The following SH2D4B variants were observed in gnomAD, a reference collection of about 807,000 sequenced individuals.
The protein encoded by SH2D4B is SH2 domain-containing protein 4B.
Under a neutral mutation model 61.5 loss-of-function variants are expected in SH2D4B, and 45 were observed. That is an observed-to-expected ratio of 0.73 (90% confidence interval 0.58 to 0.94). SH2D4B has a LOEUF of 0.94. SH2D4B is among the 40% of genes least tolerant of loss of function. The pLI is 0.00. For missense variants in SH2D4B, 572 were observed against 574.2 expected (o/e 1.00, Z 0.04); for synonymous variants, 224 against 220.4 (o/e 1.02, Z -0.14).
At chr10:80,598,613 A>G (rs573520596) in intron 4 of SH2D4B, among the ~76,000 whole-genome samples, 1 of 152,328 alleles carries the variant, frequency 6.6e-6, no homozygotes, top group Non-Finnish European at 1.5e-5. Context: ...AGTTTTTGAT[A>G]AAACACCCAA....
chr10:80,540,324 C>T (rs932082565), intron 1 of SH2D4B, among the ~76,000 whole-genome samples: 1 of 152,154 alleles, frequency 6.6e-6, no homozygotes, highest in Non-Finnish European at 1.5e-5. Context: ...GGGGCTGGCC[C>T]TGCCCAGGAG....
rs946815363 is a variant in SH2D4B, at chr10:80,538,937, G to A, written c.184+422G>A. The stretch of plus-strand genomic sequence containing the variant: ...TGCAGTTCCTTTCTCCTTGGCATGC[G>A]TGGCACACCAGTTCTTGGCTAGGGC... On this transcript the variant is annotated intron_variant, in intron 1 of 7. Transcript: ENST00000646907. This position sits in a 1 kb window ranked among gnomAD's most constrained non-coding sequence, Gnocchi z 4.8. Among the ~76,000 whole-genome samples the A allele has an allele frequency of 3.3e-5, 5 of 152,160 alleles. No individual in the cohort carries two copies. Among genetic ancestry groups the A allele is most frequent in the African/African-American group, 1.2e-4 (5 of 41,496 alleles).
chr10:80,583,647 G>A (rs138211447), intron 3 of SH2D4B, among the ~76,000 whole-genome samples: 3,401 of 152,150 alleles, frequency 0.022, 129 homozygotes, highest in African/African-American at 0.076. Flanking sequence ...TCCAGCCTGG[G>A]TGACAGTGAG....
intron 1 of SH2D4B, among the ~76,000 whole-genome samples, chr10:80,550,772 GGTTT>G (rs1410625327): frequency 1.3e-5 from 2 of 152,156 alleles, no homozygotes; most frequent in African/African-American, 2.4e-5. Context: ...ATCTCAGAGA[GGTTT>G]AGCAACCTGC....
intron 6 of SH2D4B, among the ~76,000 whole-genome samples, chr10:80,619,819 T>C (rs575666753): frequency 2.0e-5 from 3 of 152,372 alleles, no homozygotes; most frequent in African/African-American, 7.2e-5. Flanking sequence ...AACAGGATAG[T>C]ATATTTAATC....
chr10:80,627,528 C>A (rs549520283), intron 6 of SH2D4B, among the ~76,000 whole-genome samples: 1 of 152,054 alleles, frequency 6.6e-6, no homozygotes. Context: ...TCACTTCCGC[C>A]GCTGGGCTCC....
intron 3 of SH2D4B, among the ~76,000 whole-genome samples, chr10:80,586,892 C>G (rs12414797): frequency 0.013 from 1,945 of 152,114 alleles, 49 homozygotes; most frequent in African/African-American, 0.044. Flanking sequence ...CCGGGAGGAA[C>G]GAGCAACTCC....
In SH2D4B at chr10:80,570,214, T is replaced by A. The variant is rs761912094; in HGVS notation, c.245T>A (p.Ile82Asn). Residue 82 changes from isoleucine to asparagine, a missense_variant, in exon 2 of 8, where the codon ATC becomes AAC. Physicochemically the swap from Ile to Asn is moderately radical, Grantham distance 149 (BLOSUM62 -3). Coordinates refer to ENST00000646907, the MANE Select transcript of SH2D4B (RefSeq NM_001388272.1). ...GCAGATGGCGAGGTCTGGGTCTGGA[T>A]CATGGGAGAAGGCCCTGGTGACAAG... ...LGADGEVWVW[I>N]MGEGPGDKPY... 2 of 1,614,132 alleles carry A rather than the reference T, an allele frequency of 1.2e-6. No individual in the cohort carries two copies. Among genetic ancestry groups the A allele is most frequent in the East Asian group, 2.2e-5 (1 of 44,886 alleles).
chr10:80,597,074 A>G (rs1469937774), intron 4 of SH2D4B, among the ~76,000 whole-genome samples: 1 of 152,226 alleles, frequency 6.6e-6, no homozygotes, highest in Non-Finnish European at 1.5e-5. Flanking sequence ...TCTAGAGCTG[A>G]TTTAAAGTAT....
At chr10:80,588,496 T>C in intron 3 of SH2D4B, 134 bp from the exon 4 acceptor site, 1 of 1,136,208 alleles carries the variant, frequency 8.8e-7, no homozygotes, top group Non-Finnish European at 1.2e-6. Flanking sequence ...ATTTCATACA[T>C]GTAGGGACTG....
At chr10:80,550,551 G>A (rs770833395) in intron 1 of SH2D4B, among the ~76,000 whole-genome samples, 1 of 152,010 alleles carries the variant, frequency 6.6e-6, no homozygotes, top group African/African-American at 2.4e-5. Flanking sequence ...CCCATATCGC[G>A]CCACTGCACT....
At position 80,634,433 on chromosome 10, in the gene SH2D4B, G is replaced by A; in HGVS notation, c.1137G>A (p.Gly379=). The change falls in exon 7 of 8, where the codon GGG becomes GGA. Residue 379 remains glycine, a synonymous_variant. Transcript: ENST00000646907. ...AACACTTTCTTGTGGATGCTTCTGG[G>A]GATTTTTACAGCTTCCTGGGAGTGG... ...GFKHFLVDAS[G]DFYSFLGVDP... 3 of 1,550,492 alleles carry A rather than the reference G, an allele frequency of 1.9e-6. No homozygotes were observed. The highest frequency in any genetic ancestry group is 2.6e-6 in the Non-Finnish European group (3 of 1,146,976).
At chr10:80,589,697 T>A (rs562245161) in intron 4 of SH2D4B, among the ~76,000 whole-genome samples, 1 of 152,228 alleles carries the variant, frequency 6.6e-6, no homozygotes, top group African/African-American at 2.4e-5. Context: ...ATGTAGCACA[T>A]ACAACATAGT....
chr10:80,606,856 G>A (rs7073839), intron 5 of SH2D4B, among the ~76,000 whole-genome samples: 43,643 of 152,040 alleles, frequency 0.29, 7,185 homozygotes, highest in East Asian at 0.57. Context: ...TGGAAAAAGC[G>A]CAAAGATGAT....
intron 4 of SH2D4B, among the ~76,000 whole-genome samples, chr10:80,593,178 TGAG>T (rs1367105371): frequency 6.6e-6 from 1 of 152,264 alleles, no homozygotes; most frequent in African/African-American, 2.4e-5. Flanking sequence ...TTGGTTATTC[TGAG>T]TCCTTTGTAT....
chr10:80,620,526 G>T (rs1263533061), intron 6 of SH2D4B, among the ~76,000 whole-genome samples: 1 of 152,214 alleles, frequency 6.6e-6, no homozygotes. Flanking sequence ...CAATACAAAG[G>T]CTCTGGATGT....
At chr10:80,628,171 G>A (rs968378968) in intron 6 of SH2D4B, among the ~76,000 whole-genome samples, 1 of 152,152 alleles carries the variant, frequency 6.6e-6, no homozygotes, top group East Asian at 1.9e-4. Flanking sequence ...GGCAATCCAG[G>A]GGGAGAGAGA....
chr10:80,627,652 C>T (rs1175288432), intron 6 of SH2D4B, among the ~76,000 whole-genome samples: 1 of 149,344 alleles, frequency 6.7e-6, no homozygotes, highest in Non-Finnish European at 1.5e-5. Context: ...TTACAAAATT[C>T]CCATCAATCT....
intron 4 of SH2D4B, among the ~76,000 whole-genome samples, chr10:80,589,734 G>A (rs1192292938): frequency 2.6e-5 from 4 of 152,180 alleles, no homozygotes; most frequent in African/African-American, 9.7e-5. Flanking sequence ...CAGAAGAGGT[G>A]TCATGAAGTG....
Sources: gnomAD v4.1 joint callset for allele counts (sites outside exome capture counted in the v4.1 genomes callset) on GRCh38, gnomAD v4.1.1 for gene constraint, Gnocchi (gnomAD v3.1) non-coding constraint, MANE v1.5 for transcripts, NCBI Gene and HGNC (gene_info 2026-07-23, HGNC 2026-07-21) for gene names.